Variants in PHF24 observed in about 807,000 individuals in gnomAD.
PHF24 encodes the protein PHD finger protein 24.
Under a neutral mutation model 42.6 loss-of-function variants are expected in PHF24, and 25 were observed. The ratio of observed to expected loss-of-function variants is 0.59; its 90% CI spans 0.43 to 0.82. PHF24 has a LOEUF of 0.82. Ranked by LOEUF, PHF24 falls within the 40% of genes least tolerant of loss-of-function variation. The pLI is 0.00. For missense variants in PHF24, 470 were observed against 538.1 expected (o/e 0.87, Z 1.25); for synonymous variants, 185 against 204.8 (o/e 0.90, Z 0.83).
the PHF24 span, among the ~76,000 whole-genome samples, chr9:34,896,136 C>T: frequency 2.6e-5 from 4 of 152,216 alleles, no homozygotes; most frequent in East Asian, 7.7e-4. Context: ...ACTACATGCC[C>T]TATAAGAGAG....
the PHF24 span, chr9:34,834,751 A>C: frequency 6.5e-7 from 1 of 1,541,846 alleles, no homozygotes; most frequent in Non-Finnish European, 8.7e-7. Context: ...CTTCATACTC[A>C]GCCAGAGTCA....
chr9:34,934,800 C>A, the PHF24 span, among the ~76,000 whole-genome samples: 1 of 152,110 alleles, frequency 6.6e-6, no homozygotes, highest in Non-Finnish European at 1.5e-5. Context: ...ATGTAAGGCA[C>A]ATAATGGGTG....
chr9:34,869,562 G>C, the PHF24 span, among the ~76,000 whole-genome samples: 7 of 151,848 alleles, frequency 4.6e-5, no homozygotes, highest in African/African-American at 1.7e-4. Flanking sequence ...TCCTTCTCCT[G>C]CTGCAGAACA....
At chr9:34,948,291 AT>A in the PHF24 span, among the ~76,000 whole-genome samples, 212 of 152,030 alleles carry the variant, frequency 1.4e-3, no homozygotes, top group Admixed American at 4.4e-3. Context: ...GCTAAGGATA[AT>A]TTTTTTTGAA....
chr9:34,771,171 C>T, the PHF24 span, among the ~76,000 whole-genome samples: 9 of 152,154 alleles, frequency 5.9e-5, no homozygotes, highest in Non-Finnish European at 1.0e-4. Context: ...CACTTAGTGA[C>T]GAGGATACAT....
chr9:34,833,298 T>C, the PHF24 span: 6 of 1,551,346 alleles, frequency 3.9e-6, no homozygotes, highest in Non-Finnish European at 5.2e-6. Context: ...GCCTCTGTCA[T>C]GTCCCCACTG....
chr9:34,729,437 T>C, the PHF24 span: 48,573 of 1,541,382 alleles, frequency 0.032, 3,210 homozygotes, highest in African/African-American at 0.27. Context: ...TGGTCTAAAC[T>C]TCATTAGCAT....
chr9:34,811,534 C>T, the PHF24 span, among the ~76,000 whole-genome samples: 4 of 152,222 alleles, frequency 2.6e-5, no homozygotes, highest in Non-Finnish European at 5.9e-5. Context: ...AAGGCCTTCA[C>T]TGAAAGTGGA....
At position 34,977,064 on chromosome 9, in the gene PHF24, C is replaced by T; in HGVS notation, c.850-19C>T. ...TACAAGATATCTTCACCTCTAAGAT[C>T]TTGTCTCTTCTTCCCCAGAACTCTC... On this transcript the variant is annotated intron_variant, in intron 5 of 7. Coordinates refer to ENST00000242315, the Ensembl canonical transcript of PHF24. 6.4e-7 allele frequency: 1 copy of T among 1,571,204 alleles called. No individual in the cohort carries two copies. The highest frequency in any genetic ancestry group is 8.6e-7 in the Non-Finnish European group (1 of 1,157,596).
chr9:34,959,767 C>T (rs1826525170), intron 1 of PHF24, among the ~76,000 whole-genome samples: 1 of 152,172 alleles, frequency 6.6e-6, no homozygotes, highest in Non-Finnish European at 1.5e-5. Context: ...TTTGACAGGG[C>T]TTTCTCTGGG....
chr9:34,845,454 G>C, the PHF24 span, among the ~76,000 whole-genome samples: 1 of 151,822 alleles, frequency 6.6e-6, no homozygotes, highest in Non-Finnish European at 1.5e-5. Context: ...TTCTCTAGTG[G>C]TATGCTTTAA....
At chr9:34,686,829 T>G in the PHF24 span, among the ~76,000 whole-genome samples, 1 of 152,170 alleles carries the variant, frequency 6.6e-6, no homozygotes, top group African/African-American at 2.4e-5. Flanking sequence ...TCTGACAATC[T>G]CTGGTGGGCT....
the PHF24 span, among the ~76,000 whole-genome samples, chr9:34,909,288 T>C: frequency 6.6e-6 from 1 of 152,200 alleles, no homozygotes; most frequent in African/African-American, 2.4e-5. Flanking sequence ...TCTTTGTGTC[T>C]TTGGGGACTA....
the PHF24 span, among the ~76,000 whole-genome samples, chr9:34,899,404 G>A: frequency 2.5e-3 from 377 of 152,244 alleles, 1 homozygote; most frequent in South Asian, 7.0e-3. Context: ...GAGTCCTATC[G>A]CCTTGTAAAG....
the PHF24 span, among the ~76,000 whole-genome samples, chr9:34,787,510 G>A: frequency 4.6e-5 from 7 of 152,036 alleles, no homozygotes; most frequent in Admixed American, 6.6e-5. Flanking sequence ...ACTTTTTCAG[G>A]GTTATCTTGA....
At chr9:34,822,421 T>C in the PHF24 span, among the ~76,000 whole-genome samples, 1 of 152,228 alleles carries the variant, frequency 6.6e-6, no homozygotes, top group South Asian at 2.1e-4. Context: ...TACTATAAAA[T>C]TCATATTTTA....
At chr9:34,716,409 A>C in the PHF24 span, among the ~76,000 whole-genome samples, 8 of 152,262 alleles carry the variant, frequency 5.3e-5, no homozygotes, top group Non-Finnish European at 1.0e-4. Flanking sequence ...GGATTGTGTT[A>C]GGGTTGGAGT....
chr9:34,950,335 G>A, the PHF24 span, among the ~76,000 whole-genome samples: 74 of 136,164 alleles, frequency 5.4e-4, no homozygotes, highest in South Asian at 0.013. Flanking sequence ...CTGGGTGACA[G>A]AGCGAGACTC....
At chr9:34,893,795 G>T in the PHF24 span, among the ~76,000 whole-genome samples, 10 of 152,186 alleles carry the variant, frequency 6.6e-5, no homozygotes, top group South Asian at 2.1e-3. Context: ...GGAGCCAGGC[G>T]GTTAGCTGAT....
Sources: gnomAD v4.1 joint callset for allele counts (sites outside exome capture counted in the v4.1 genomes callset) on GRCh38, gnomAD v4.1.1 for gene constraint, MANE v1.5 for transcripts, NCBI Gene and HGNC (gene_info 2026-07-23, HGNC 2026-07-21) for gene names.